The following HIVEP2 variants were observed in gnomAD, a reference collection of about 807,000 sequenced individuals.
The protein encoded by HIVEP2 is HIVEP zinc finger 2.
In HIVEP2, 14 loss-of-function variants were observed where a neutral mutation model predicts 180.7. The ratio of observed to expected loss-of-function variants is 0.08; its 90% CI spans 0.05 to 0.12. The LOEUF is 0.12. HIVEP2 is among the 10% of genes least tolerant of loss of function. The pLI is 1.00. For missense variants in HIVEP2, 2,579 were observed against 3,008.5 expected, an observed-to-expected ratio of 0.86 and a Z score of 3.34; for synonymous variants, 1,184 against 1,136.4, an observed-to-expected ratio of 1.04 and a Z score of -0.84.
At chr6:142,801,954 C>A (rs1477697096) in intron 2 of HIVEP2, among the ~76,000 whole-genome samples, 1 of 152,162 alleles carries the variant, frequency 6.6e-6, no homozygotes, top group African/African-American at 2.4e-5. Flanking sequence ...AGATAGACAT[C>A]TACTAATTAT....
At chr6:142,906,017 C>T (rs1449307551) in intron 1 of HIVEP2, among the ~76,000 whole-genome samples, 1 of 152,136 alleles carries the variant, frequency 6.6e-6, no homozygotes, top group Non-Finnish European at 1.5e-5. Context: ...GCCTGTAATC[C>T]CAGCTACTTG....
At chr6:142,819,713 A>G (rs1446001695) in intron 2 of HIVEP2, among the ~76,000 whole-genome samples, 1 of 152,096 alleles carries the variant, frequency 6.6e-6, no homozygotes, top group Non-Finnish European at 1.5e-5. Context: ...CTATGGGAAA[A>G]TTTTTAACTA....
At chr6:142,795,371 C>G (rs1776256133) in intron 2 of HIVEP2, among the ~76,000 whole-genome samples, 1 of 151,850 alleles carries the variant, frequency 6.6e-6, no homozygotes, top group South Asian at 2.1e-4. Context: ...AAACAACCCA[C>G]CTAATCAAGA....
In HIVEP2 at chr6:142,761,576, T is replaced by G; in HGVS notation, c.5519-11A>C. Reference sequence around the variant, plus strand: ...GCTTCGTTAGGTTTCCTTGAAAATGTAGCAAAAAAAAGAGAGAAATTAATT... The same window carrying G: ...GCTTCGTTAGGTTTCCTTGAAAATGGAGCAAAAAAAAGAGAGAAATTAATT... On this transcript the variant is annotated splice_polypyrimidine_tract_variant and intron_variant, in intron 7 of 9. Transcript: ENST00000367603. 6.8e-7 allele frequency: 1 copy of G among 1,473,318 alleles called. No homozygotes were observed. The highest frequency in any genetic ancestry group is 9.5e-7 in the Non-Finnish European group (1 of 1,055,136). The allele number at this position is 1,473,318 out of a possible 1,614,324, so 91.3% of individuals were successfully genotyped here.
chr6:142,818,707 G>GAAAGAAAAGAAAGAAAGA (rs760149401), intron 2 of HIVEP2, among the ~76,000 whole-genome samples: 18 of 52,142 alleles, frequency 3.5e-4, no homozygotes, highest in African/African-American at 1.1e-3. Flanking sequence ...AAGAAAGAAA[G>GAAAGAAAAGAAAGAAAGA]AAAGAAAGAA....
rs776455425 is a variant in HIVEP2, at chr6:142,774,380, T to A, written c.359A>T (p.Glu120Val). The A allele has an allele frequency of 3.7e-6, 6 of 1,614,180 alleles. No homozygotes were observed. In the South Asian group the frequency reaches 6.6e-5, roughly 18 times the overall value. ...GCCAGGGAAAAGCCACGGAGGACCT[T>A]CGAGGCTCTGATGTGGCTTGGTGCT... ...MHSTKPHQSLEGPPWLFPGPL... is the reference protein window; with the variant it reads ...MHSTKPHQSLVGPPWLFPGPL... Residue 120 changes from glutamate to valine, a missense_variant, in exon 5 of 10, where the codon GAA (glutamate) becomes GTA (valine). Coordinates refer to ENST00000367603, the MANE Select transcript of HIVEP2 (RefSeq NM_006734.4). This position sits in a 1 kb window ranked among gnomAD's most constrained non-coding sequence, Gnocchi z 5.1.
intron 1 of HIVEP2, among the ~76,000 whole-genome samples, chr6:142,942,792 G>A (rs148812734): frequency 6.6e-6 from 1 of 152,182 alleles, no homozygotes; most frequent in East Asian, 1.9e-4. Context: ...GAATACCCTT[G>A]TATAAATATA....
Position 142,764,909 on chromosome 6 carries a change from T to G in HIVEP2, c.5408A>C (p.Glu1803Ala), listed in dbSNP as rs772915584. The change falls in exon 7 of 10, where the codon GAA (glutamate) becomes GCA (alanine). Residue 1803 changes from glutamate (E) to alanine (A), a missense_variant. This residue lies in a region of HIVEP2 where 21 missense variants were observed against 86.8 expected (regional missense o/e 0.24). Coordinates refer to ENST00000367603, the MANE Select transcript of HIVEP2 (RefSeq NM_006734.4). ...GRGRGKYICE[E>A]CGIRCKKPSM... ...TGGCTTCTTACAGCGAATCCCACAT[T>G]CTTCACAAATGTACTTTCCCCGGCC... 3 of 1,613,996 alleles carry G rather than the reference T, an allele frequency of 1.9e-6. No homozygotes were observed. Among genetic ancestry groups the G allele is most frequent in the Non-Finnish European group, 2.5e-6 (3 of 1,179,868 alleles).
intron 1 of HIVEP2, among the ~76,000 whole-genome samples, chr6:142,895,622 G>T (rs1323799140): frequency 6.6e-6 from 1 of 152,144 alleles, no homozygotes; most frequent in Non-Finnish European, 1.5e-5. Context: ...CAGTGTGTAT[G>T]TGCTAGTTTT....
upstream of HIVEP2, among the ~76,000 whole-genome samples, chr6:142,945,352 C>T (rs1396781980): frequency 5.9e-5 from 9 of 152,184 alleles, no homozygotes; most frequent in African/African-American, 2.2e-4. The surrounding 1 kb of genome is among the most constrained non-coding windows in gnomAD (Gnocchi z 5.5). Flanking sequence ...CGACCCTCAC[C>T]CTCGGGCCAC....
chr6:142,824,508 C>T (rs1409471915), intron 2 of HIVEP2, among the ~76,000 whole-genome samples: 1 of 152,098 alleles, frequency 6.6e-6, no homozygotes, highest in East Asian at 1.9e-4. Context: ...CCCAGAGGCC[C>T]CATAAATACT....
intron 2 of HIVEP2, among the ~76,000 whole-genome samples, chr6:142,803,161 A>C (rs924412042): frequency 6.6e-6 from 1 of 152,176 alleles, no homozygotes; most frequent in African/African-American, 2.4e-5. Flanking sequence ...ATGAAGTATA[A>C]GTTTAAACTT....
chr6:142,788,898 G>A (rs1013797714), intron 2 of HIVEP2, among the ~76,000 whole-genome samples: 16 of 152,206 alleles, frequency 1.1e-4, no homozygotes, highest in Admixed American at 4.6e-4. Context: ...TAGATGTAAC[G>A]ACACTGAACT....
intron 1 of HIVEP2, among the ~76,000 whole-genome samples, chr6:142,942,592 TA>T (rs1482121886): frequency 1.3e-5 from 2 of 152,324 alleles, no homozygotes; most frequent in Non-Finnish European, 2.9e-5. Flanking sequence ...AATATACACA[TA>T]GTAAATTTTT....
intron 1 of HIVEP2, among the ~76,000 whole-genome samples, chr6:142,921,699 C>A (rs35782414): frequency 0.061 from 9,244 of 152,264 alleles, 388 homozygotes; most frequent in Middle Eastern, 0.11. Flanking sequence ...CTAAGTCAGG[C>A]CATGTATTAA....
intron 1 of HIVEP2, among the ~76,000 whole-genome samples, chr6:142,908,153 C>T (rs6929787): frequency 0.014 from 2,136 of 152,314 alleles, 31 homozygotes; most frequent in African/African-American, 0.032. Context: ...TTTCCCATCT[C>T]CTGACTTTCA....
At chr6:142,806,945 C>T (rs1484617719) in intron 2 of HIVEP2, among the ~76,000 whole-genome samples, 1 of 152,118 alleles carries the variant, frequency 6.6e-6, no homozygotes, top group Non-Finnish European at 1.5e-5. Flanking sequence ...ATTGCAATAC[C>T]CAGCTCCTAC....
intron 2 of HIVEP2, among the ~76,000 whole-genome samples, chr6:142,816,997 T>C (rs1202433579): frequency 6.6e-6 from 1 of 152,104 alleles, no homozygotes; most frequent in Non-Finnish European, 1.5e-5. Context: ...GGACACACTT[T>C]TGTTCAACTC....
intron 2 of HIVEP2, among the ~76,000 whole-genome samples, chr6:142,816,807 T>C (rs946594316): frequency 3.9e-5 from 6 of 152,164 alleles, no homozygotes; most frequent in Non-Finnish European, 5.9e-5. Flanking sequence ...AATACTAAGA[T>C]AGATTCTGGT....
Sources: allele counts gnomAD v4.1 joint callset (sites outside exome capture counted in the v4.1 genomes callset), GRCh38; gene constraint gnomAD v4.1.1; regional missense constraint gnomAD v4.1.1; non-coding constraint Gnocchi (gnomAD v3.1); transcripts MANE v1.5; gene names NCBI Gene and HGNC (gene_info 2026-07-23, HGNC 2026-07-21).